The following TRAF3IP3 variants were observed in gnomAD, a reference collection of about 807,000 sequenced individuals.
TRAF3IP3 encodes the protein TRAF3-interacting JNK-activating modulator.
In TRAF3IP3, 64 loss-of-function variants were observed where a neutral mutation model predicts 86.5. The observed-to-expected ratio is 0.74, with a 90% CI of 0.60 to 0.91. The LOEUF is 0.91. Among genes scored for constraint, TRAF3IP3 ranks in the 40% least tolerant of loss-of-function variants. TRAF3IP3 has a pLI of 0.00. For synonymous variants in TRAF3IP3, 220 were observed against 243.9 expected (o/e 0.90, Z 0.91); for missense variants, 579 against 642.9 (o/e 0.90, Z 1.07).
At chr1:209,760,826 C>A (rs982444731) in intron 3 of TRAF3IP3, among the ~76,000 whole-genome samples, 2 of 152,020 alleles carry the variant, frequency 1.3e-5, no homozygotes, top group African/African-American at 2.4e-5. Context: ...CCTAACTAAT[C>A]AGGAGGCAAA....
intron 11 of TRAF3IP3, chr1:209,776,084 C>A (rs2077648498): frequency 5.2e-6 from 1 of 192,374 alleles, no homozygotes; most frequent in Non-Finnish European, 1.1e-5. Flanking sequence ...TCAGAATTGC[C>A]CACTGTTGGC....
intron 13 of TRAF3IP3, 45 bp downstream of exon 13, chr1:209,778,218 G>C: frequency 5.7e-6 from 9 of 1,580,064 alleles, no homozygotes; most frequent in Non-Finnish European, 7.8e-6. Context: ...GGTTTTCCTG[G>C]GGTCCTGGCC....
intron 8 of TRAF3IP3, among the ~76,000 whole-genome samples, chr1:209,770,279 T>G (rs1038484793): frequency 6.6e-6 from 1 of 152,232 alleles, no homozygotes; most frequent in African/African-American, 2.4e-5. Context: ...GTTCTCATCT[T>G]GAGTCTAGTA....
intron 8 of TRAF3IP3, chr1:209,768,241 A>T (rs1225135684): frequency 1.0e-6 from 1 of 985,384 alleles, no homozygotes; most frequent in African/African-American, 1.7e-5. Context: ...CATGCTGAGA[A>T]CTTACCACAA....
chr1:209,771,775 A>G (rs1280633044), intron 8 of TRAF3IP3, among the ~76,000 whole-genome samples: 2 of 63,766 alleles, frequency 3.1e-5, no homozygotes, highest in African/African-American at 1.1e-4. Context: ...GTGTGTGTAT[A>G]TGGAGGTGTG....
rs1464992110 is a variant in TRAF3IP3 at position 209,775,627 on chromosome 1, G to A, written c.944G>A (p.Cys315Tyr). The change falls in exon 11 of 17, where the codon TGT (cysteine) becomes TAT (tyrosine). Residue 315 changes from cysteine to tyrosine, a missense_variant. Cys to Tyr is a radical substitution (Grantham distance 194). Transcript: ENST00000367025. The part of the protein sequence containing the change: ...QRSLALAEQK[C>Y]EEWRSQYEAL... ...TCCCTGGCCCTGGCAGAGCAGAAGTGTGAAGAGTGGAGGAGCCAGTATGAG... is the reference window on the plus strand; with the variant it reads ...TCCCTGGCCCTGGCAGAGCAGAAGTATGAAGAGTGGAGGAGCCAGTATGAG... The A allele has an allele frequency of 6.2e-7, 1 of 1,614,076 alleles. No homozygotes were observed. Among genetic ancestry groups the A allele is most frequent in the African/African-American group, 1.3e-5 (1 of 74,940 alleles).
chr1:209,775,983 C>T (rs1035602448), intron 11 of TRAF3IP3: 2 of 391,002 alleles, frequency 5.1e-6, no homozygotes, highest in Non-Finnish European at 9.2e-6. Flanking sequence ...CATCACCACC[C>T]AAATGAAAAG....
Position 209,762,581 on chromosome 1 carries a change from C to G in TRAF3IP3, c.412C>G (p.Leu138Val), listed in dbSNP as rs747009027. Residue 138 changes from leucine (L) to valine (V), a missense_variant, in exon 4 of 17, where the codon CTG (leucine) becomes GTG (valine). Physicochemically the swap from Leu to Val is conservative, Grantham distance 32 (BLOSUM62 1). Transcript: ENST00000367025. Reference sequence around the variant, plus strand: ...TCCTCCCTCAGGCATCTGCAGGGATCTGTCTGACCACCTCTCCTCACAGGC... The same window carrying G: ...TCCTCCCTCAGGCATCTGCAGGGATGTGTCTGACCACCTCTCCTCACAGGC... The part of the protein sequence containing the change: ...HPPPSGICRD[L>V]SDHLSSQAGG... 8 of 1,504,920 alleles carry G rather than the reference C, an allele frequency of 5.3e-6. No homozygotes were observed. The highest frequency in any genetic ancestry group is 7.1e-6 in the Non-Finnish European group (8 of 1,129,288). 93.2% of individuals were successfully genotyped at this position (1,504,920 alleles called of 1,614,324 possible).
At chr1:209,780,762 T>C in intron 15 of TRAF3IP3, 156 bp downstream of exon 15, 1 of 578,762 alleles carries the variant, frequency 1.7e-6, no homozygotes, top group Non-Finnish European at 2.6e-6. Flanking sequence ...TTGGGCTGAC[T>C]TGTCAATCTT....
intron 8 of TRAF3IP3, chr1:209,768,233 T>A (rs2077393987): frequency 2.0e-6 from 2 of 985,428 alleles, no homozygotes; most frequent in Non-Finnish European, 2.4e-6. Flanking sequence ...CAACTTCACA[T>A]GCTGAGAACT....
chr1:209,765,233 G>C (rs866701697), intron 8 of TRAF3IP3, among the ~76,000 whole-genome samples: 1 of 87,968 alleles, frequency 1.1e-5, no homozygotes, highest in Non-Finnish European at 2.4e-5. Flanking sequence ...GAGAGAGGAA[G>C]GAAGGAAGGA....
chr1:209,770,654 T>C (rs1440209095), intron 8 of TRAF3IP3, among the ~76,000 whole-genome samples: 1 of 128,794 alleles, frequency 7.8e-6, no homozygotes, highest in Non-Finnish European at 1.6e-5. Flanking sequence ...CACATGTGCA[T>C]GTGAAGGTGT....
chr1:209,777,459 G>A lies in TRAF3IP3; in HGVS notation c.1161G>A (p.Leu387=), dbSNP rs770202317. The A allele has an allele frequency of 1.9e-6, 3 of 1,613,850 alleles. No individual in the cohort carries two copies. Among genetic ancestry groups the A allele is most frequent in the East Asian group, 2.2e-5 (1 of 44,876 alleles). The change falls in exon 12 of 17, where the codon CTG becomes CTA. Residue 387 remains leucine (L), a synonymous_variant. Transcript: ENST00000367025. The part of the protein sequence containing the change: ...KIECLQGDRD[L]CSLDTQDLQD... ...AATGCCTGCAAGGGGACAGAGACCT[G>A]TGCAGCTTGGATACCCAGGACCTAC...
At chr1:209,778,814 G>A (rs1395981074) in intron 13 of TRAF3IP3, 1 of 161,586 alleles carries the variant, frequency 6.2e-6, no homozygotes, top group Non-Finnish European at 1.3e-5. Flanking sequence ...ATATAAGGAT[G>A]CTATATTCAT....
chr1:209,759,800 T>C (rs1468951959), intron 2 of TRAF3IP3, among the ~76,000 whole-genome samples, 182 bp from the exon 3 acceptor site: 1 of 152,188 alleles, frequency 6.6e-6, no homozygotes, highest in Non-Finnish European at 1.5e-5. Flanking sequence ...TATAAGACTG[T>C]ATTAGTTCAT....
chr1:209,775,172 A>T (rs181845857), intron 9 of TRAF3IP3, 177 bp from the exon 10 acceptor site: 19 of 637,310 alleles, frequency 3.0e-5, no homozygotes, highest in Non-Finnish European at 8.3e-6. Context: ...CCCTCCACTC[A>T]TCTCTCATTG....
chr1:209,770,431 GTGTGTGTGCAGGTGGAGGTA>G lies in TRAF3IP3; in HGVS notation c.703-2506_703-2487del, dbSNP rs1160523534. Among the ~76,000 whole-genome samples the G allele has an allele frequency of 8.4e-3, 1,262 of 150,352 alleles. 21 individuals carry two copies. The highest frequency in any genetic ancestry group is 0.029 in the African/African-American group (1,196 of 40,544). ...GAGGTGTGTGTGTGCATGTGGAGGT[GTGTGTGTGCAGGTGGAGGTA>G]TGTGTGTGCATGTGGAGGTGTGTGT... is the stretch of plus-strand genomic sequence containing the variant. On this transcript the variant is annotated intron_variant, in intron 8 of 16. Coordinates refer to ENST00000367025, the MANE Select transcript of TRAF3IP3 (RefSeq NM_025228.4).
At position 209,762,546 on chromosome 1, in the gene TRAF3IP3, C is replaced by A; in HGVS notation, c.377C>A (p.Ala126Asp). 6.7e-7 allele frequency: 1 copy of A among 1,484,286 alleles called. No individual in the cohort carries two copies. 91.9% of individuals were successfully genotyped at this position (1,484,286 alleles called of 1,614,324 possible). A position where few individuals can be genotyped will look rare whatever the true frequency, so the allele number is the denominator to read the frequency against. Residue 126 changes from alanine (A) to aspartate (D), a missense_variant, in exon 4 of 17, where the codon GCC becomes GAC. Transcript: ENST00000367025. ...GGCACCAGCTCTGAAGTCTTTCCAG[C>A]CCAGCATCCTCCTCCCTCAGGCATC... is the stretch of plus-strand genomic sequence containing the variant. ...VTGTSSEVFP[A>D]QHPPPSGICR... is the part of the protein sequence containing the mutation.
chr1:209,759,389 C>T (rs147406662), intron 2 of TRAF3IP3, among the ~76,000 whole-genome samples: 51 of 152,260 alleles, frequency 3.3e-4, no homozygotes, highest in African/African-American at 1.2e-3. Flanking sequence ...CTCACAAGCT[C>T]GTTGCTAAAA....
Sources: gnomAD v4.1 joint callset for allele counts (sites outside exome capture counted in the v4.1 genomes callset) on GRCh38, gnomAD v4.1.1 for gene constraint, MANE v1.5 for transcripts, NCBI Gene and HGNC (gene_info 2026-07-23, HGNC 2026-07-21) for gene names.